The following TCF25 variants were observed in gnomAD, a reference collection of about 807,000 sequenced individuals.
The protein encoded by TCF25 is TCF25 ribosome quality control complex subunit, also known as ribosome quality control complex subunit TCF25.
TCF25 carries 41 observed loss-of-function variants against 83.1 expected under a neutral mutation model. The observed-to-expected ratio is 0.49, with a 90% CI of 0.38 to 0.64. The LOEUF (loss-of-function observed/expected upper bound fraction) is 0.64. Among genes scored for constraint, TCF25 ranks in the 30% least tolerant of loss-of-function variants. The pLI is 0.00. For synonymous variants in TCF25, 458 were observed against 365.0 expected, an observed-to-expected ratio of 1.25 and a Z score of -2.90; for missense variants, 979 against 914.5, an observed-to-expected ratio of 1.07 and a Z score of -0.91.
rs1349523449 is a variant in TCF25, at chr16:89,907,257, G to C, written c.1734G>C (p.Gln578His). The C allele has an allele frequency of 6.2e-7, 1 of 1,612,338 alleles. No homozygotes were observed. Among genetic ancestry groups the C allele is most frequent in the Non-Finnish European group, 8.5e-7 (1 of 1,179,240 alleles). ...VAALPPDVTT[Q>H]SVMGFDPLPP... The stretch of plus-strand genomic sequence containing the variant: ...CCTTTCTGAAGGACGTGACCACGCA[G>C]TCTGTGATGGGGTTTGATCCTCTGC... The change falls in exon 16 of 18, where the codon CAG becomes CAC. Residue 578 changes from glutamine to histidine, a missense_variant. Gln to His is a conservative substitution (Grantham distance 24). Coordinates refer to ENST00000263346, the MANE Select transcript of TCF25 (RefSeq NM_014972.3).
chr16:89,904,623 A>C, intron 13 of TCF25: 1 of 512,382 alleles, frequency 2.0e-6, no homozygotes, highest in South Asian at 2.0e-5. Flanking sequence ...GAGAAAGTGC[A>C]CGCCTTGGGG....
rs772894383 is a variant in TCF25 at position 89,900,751 on chromosome 16, G to C, written c.1338G>C (p.Lys446Asn). The change falls in exon 12 of 18, where the codon AAG becomes AAC. Residue 446 changes from lysine (K) to asparagine (N), a missense_variant. By Grantham distance (94) the Lys-to-Asn change is moderately conservative (BLOSUM62 0). Transcript: ENST00000263346. ...PECEQSSARQKASLLIQQALT... is the reference protein window; with the variant it reads ...PECEQSSARQNASLLIQQALT... ...GTGAGCAGAGCTCTGCCAGGCAGAA[G>C]GCCTCTCTCCTGATACAGCAGGCGC... 1.1e-5 allele frequency: 17 copies of C among 1,597,190 alleles called. No homozygotes were observed. The highest frequency in any genetic ancestry group is 1.5e-5 in the Non-Finnish European group (17 of 1,165,954).
rs539894490 is a variant in TCF25 at position 89,892,925 on chromosome 16, C to T, written c.697+650C>T. Among the ~76,000 whole-genome samples, 22 of 152,314 alleles carry T rather than the reference C, an allele frequency of 1.4e-4. 1 individual carries two copies. The South Asian group carries it at 4.1e-3, about 29-fold the overall frequency. ...GCTGTCAGCGCTGCCATGGCTCCCA[C>T]GGCCGCTTCTCCTGCGCCTGTGTCT... On this transcript the variant is annotated intron_variant, in intron 6 of 17. Transcript: ENST00000263346.
intron 10 of TCF25, 52 bp downstream of exon 10, chr16:89,898,701 G>A (rs375211550): frequency 1.2e-5 from 19 of 1,611,622 alleles, no homozygotes; most frequent in Admixed American, 3.3e-5. Context: ...CCTGGCTGCA[G>A]GCCCACTCTC....
At chr16:89,874,009 T>G in intron 1 of TCF25, 150 bp downstream of exon 1, 1 of 878,394 alleles carries the variant, frequency 1.1e-6, no homozygotes, top group Non-Finnish European at 1.5e-6. Context: ...GGCGGGGCCG[T>G]GCGTCGGGGC....
At chr16:89,877,032 G>A (rs768024341) in intron 1 of TCF25, among the ~76,000 whole-genome samples, 3 of 151,730 alleles carry the variant, frequency 2.0e-5, no homozygotes, top group African/African-American at 4.9e-5. Flanking sequence ...AACCCAGGAG[G>A]TGGAGGTTGC....
intron 8 of TCF25, 22 bp downstream of exon 8, chr16:89,895,159 A>T: frequency 6.2e-7 from 1 of 1,606,186 alleles, no homozygotes; most frequent in Middle Eastern, 1.7e-4. Flanking sequence ...CCCCCACCCC[A>T]TTCCCCTCAG....
intron 1 of TCF25, among the ~76,000 whole-genome samples, chr16:89,882,253 G>T (rs2042663773): frequency 1.3e-5 from 2 of 152,240 alleles, no homozygotes; most frequent in Admixed American, 1.3e-4. Context: ...AAAGGTTCCA[G>T]ACTTGGCGTG....
At chr16:89,901,023 C>A (rs1488507453) in intron 12 of TCF25, 2 of 454,566 alleles carry the variant, frequency 4.4e-6, no homozygotes, top group Non-Finnish European at 8.0e-6. Flanking sequence ...CATCCCGACC[C>A]CCGTGGGGCC....
intron 5 of TCF25, among the ~76,000 whole-genome samples, chr16:89,891,733 T>A (rs1337681905): frequency 1.3e-5 from 2 of 152,206 alleles, no homozygotes; most frequent in Non-Finnish European, 2.9e-5. Flanking sequence ...TTGTTCTCTT[T>A]CTTTTCGTTT....
At chr16:89,892,107 A>C in intron 5 of TCF25, 86 bp from the exon 6 acceptor site, 1 of 1,343,656 alleles carries the variant, frequency 7.4e-7, no homozygotes, top group South Asian at 1.6e-5. Flanking sequence ...TTTTGCTTCC[A>C]CAGCCCGTGC....
At chr16:89,897,304 T>C (rs1390548631) in intron 9 of TCF25, among the ~76,000 whole-genome samples, 1 of 152,276 alleles carries the variant, frequency 6.6e-6, no homozygotes, top group Non-Finnish European at 1.5e-5. Flanking sequence ...CAGGCCTCGC[T>C]GGTCAGACCT....
At chr16:89,891,721 CGTT>C (rs1293591194) in intron 5 of TCF25, among the ~76,000 whole-genome samples, 3 of 152,290 alleles carry the variant, frequency 2.0e-5, no homozygotes, top group South Asian at 2.1e-4. Flanking sequence ...GATATTAGTA[CGTT>C]GTTCTCTTTC....
rs1035164322 is a variant in TCF25 at position 89,877,713 on chromosome 16, A to G, written c.192+3854A>G. Among the ~76,000 whole-genome samples the G allele has an allele frequency of 3.6e-4, 55 of 152,320 alleles. 1 individual carries two copies. Among genetic ancestry groups the G allele is most frequent in the East Asian group, 1.9e-3 (10 of 5,186 alleles). Reference sequence around the variant, plus strand: ...GTGAGACCGAAACTTGGTTCTCTCAAAAGACGAGTTGGCAAAAACTCTAGA... The same window carrying G: ...GTGAGACCGAAACTTGGTTCTCTCAGAAGACGAGTTGGCAAAAACTCTAGA... On this transcript the variant is annotated intron_variant, in intron 1 of 17. Coordinates refer to ENST00000263346, the MANE Select transcript of TCF25 (RefSeq NM_014972.3).
rs757518272 is a variant in TCF25, at chr16:89,911,207, A to T, written c.2000A>T (p.Asp667Val). The change falls in exon 18 of 18, where the codon GAC becomes GTC. Residue 667 changes from aspartate to valine, a missense_variant. By Grantham distance (152) the Asp-to-Val change is radical. Transcript: ENST00000263346. Reference protein sequence around the residue: ...HLNDLEAPHEDDAEGEGEWD With the variant: ...HLNDLEAPHEVDAEGEGEWD ...AACGACCTGGAGGCGCCGCACGAGG[A>T]CGACGCTGAGGGGGAGGGGGAGTGG... 1 of 1,612,320 alleles carries T rather than the reference A, an allele frequency of 6.2e-7. No individual in the cohort carries two copies. The highest frequency in any genetic ancestry group is 1.1e-5 in the South Asian group (1 of 91,032).
At chr16:89,877,594 A>G (rs908976408) in intron 1 of TCF25, among the ~76,000 whole-genome samples, 1 of 152,244 alleles carries the variant, frequency 6.6e-6, no homozygotes, top group African/African-American at 2.4e-5. Context: ...TTAAACTAGA[A>G]AAAGAGCAAA....
At chr16:89,910,428 C>A in intron 16 of TCF25, 163 bp from the exon 17 acceptor site, 1 of 679,226 alleles carries the variant, frequency 1.5e-6, no homozygotes, top group Non-Finnish European at 2.5e-6. Context: ...TCACGGGCCA[C>A]CCGGGGAATC....
chr16:89,907,516 C>T (rs2044967036), intron 16 of TCF25, among the ~76,000 whole-genome samples, 194 bp downstream of exon 16: 3 of 140,370 alleles, frequency 2.1e-5, no homozygotes, highest in Non-Finnish European at 3.1e-5. Context: ...CACCTCCCAC[C>T]TCCCTCCTCC....
At chr16:89,899,860 C>T (rs528989603) in intron 11 of TCF25, among the ~76,000 whole-genome samples, 104 of 152,302 alleles carry the variant, frequency 6.8e-4, no homozygotes, top group African/African-American at 2.4e-3. Flanking sequence ...GAGAAGGCGA[C>T]AGCTCTTGAC....
Sources: allele counts gnomAD v4.1 joint callset (sites outside exome capture counted in the v4.1 genomes callset), GRCh38; gene constraint gnomAD v4.1.1; transcripts MANE v1.5; gene names NCBI Gene and HGNC (gene_info 2026-07-23, HGNC 2026-07-21).